ADGRV1: variants seen among roughly 807,000 people sequenced by gnomAD.
ADGRV1 encodes adhesion G protein-coupled receptor V1.
A neutral mutation model predicts 596.2 loss-of-function variants in ADGRV1; 359 were observed. The ratio of observed to expected loss-of-function variants is 0.60; its 90% confidence interval spans 0.55 to 0.66. The LOEUF is 0.66. Ranked by LOEUF, ADGRV1 falls within the 30% of genes least tolerant of loss-of-function variation. The pLI is 0.00. For missense variants in ADGRV1, 7,274 were observed against 7,575.6 expected (o/e 0.96, Z 1.48); for synonymous variants, 2,681 against 2,679.2 (o/e 1.00, Z -0.02).
chr5:90,835,425 CT>C (rs1169272620), intron 77 of ADGRV1, among the ~76,000 whole-genome samples: 1 of 152,148 alleles, frequency 6.6e-6, no homozygotes, highest in Admixed American at 6.5e-5. Flanking sequence ...GCTGAACTTC[CT>C]GGAGCTGCCA....
chr5:90,572,734 A>C (rs1292622559), intron 1 of ADGRV1, among the ~76,000 whole-genome samples: 2 of 152,104 alleles, frequency 1.3e-5, no homozygotes, highest in African/African-American at 4.8e-5. Context: ...TCAAAGGAAA[A>C]AAGTTGAGAC....
chr5:91,006,337 C>T (rs756736899), intron 85 of ADGRV1, among the ~76,000 whole-genome samples: 1 of 151,864 alleles, frequency 6.6e-6, no homozygotes, highest in South Asian at 2.1e-4. Flanking sequence ...ATTGCAAATC[C>T]AAAATTAGAT....
chr5:90,996,714 A>G (rs1300603585), intron 85 of ADGRV1, among the ~76,000 whole-genome samples: 3 of 152,210 alleles, frequency 2.0e-5, no homozygotes, highest in Admixed American at 6.5e-5. Flanking sequence ...AGCAGCAGGC[A>G]CTCAATGCCA....
chr5:91,080,588 CAAAAAA>C (rs10696264), intron 86 of ADGRV1, among the ~76,000 whole-genome samples: 8 of 84,488 alleles, frequency 9.5e-5, no homozygotes, highest in Admixed American at 4.0e-4. Context: ...GCACACCCTG[CAAAAAA>C]AAAAAAAAAA....
rs1580697003 is a variant in ADGRV1 at position 90,675,521 on chromosome 5, A to G, written c.5313+76A>G. ...TAATCCTTCTCTGGAAGGGATATAC[A>G]CTGTACCTGGAACATAGTGACTCAC... On this transcript the variant is annotated intron_variant, in intron 24 of 89. Coordinates refer to ENST00000405460, the MANE Select transcript of ADGRV1 (RefSeq NM_032119.4). 1.1e-5 allele frequency: 15 copies of G among 1,337,524 alleles called. No individual in the cohort carries two copies. In the Admixed American group the frequency reaches 1.2e-4, roughly 11 times the overall value. The allele number at this position is 1,337,524 out of a possible 1,614,324, so 82.9% of individuals were successfully genotyped here.
Position 90,647,595 on chromosome 5 carries a change from C to G in ADGRV1, c.3120C>G (p.Thr1040=), listed in dbSNP as rs1487960400. Residue 1040 remains threonine, a synonymous_variant, in exon 17 of 90, where the codon ACC becomes ACG. Coordinates refer to ENST00000405460, the MANE Select transcript of ADGRV1 (RefSeq NM_032119.4). ...TGACTTGCATGGTCCAGTATGCTACCAAGGATGGGAAGGCTACTGCAAGAG... is the reference window on the plus strand; with the variant it reads ...TGACTTGCATGGTCCAGTATGCTACGAAGGATGGGAAGGCTACTGCAAGAG... ...VDVTCMVQYA[T]KDGKATARER... The G allele has an allele frequency of 1.2e-6, 2 of 1,613,862 alleles. No individual in the cohort carries two copies. Among genetic ancestry groups the G allele is most frequent in the Non-Finnish European group, 1.7e-6 (2 of 1,179,846 alleles).
chr5:90,767,087 C>G (rs761174714), intron 59 of ADGRV1, among the ~76,000 whole-genome samples: 55 of 152,184 alleles, frequency 3.6e-4, no homozygotes, highest in Non-Finnish European at 5.9e-4. Context: ...ATAAAATATA[C>G]ATGGAAATAC....
intron 1 of ADGRV1, among the ~76,000 whole-genome samples, chr5:90,605,260 GA>G (rs1176365651): frequency 6.6e-6 from 1 of 151,768 alleles, no homozygotes; most frequent in Admixed American, 6.6e-5. Context: ...AATAAAAATA[GA>G]AAAATTAGCT....
chr5:90,893,256 C>G (rs1440751416), intron 83 of ADGRV1, among the ~76,000 whole-genome samples: 1 of 152,070 alleles, frequency 6.6e-6, no homozygotes, highest in Non-Finnish European at 1.5e-5. Context: ...ACCTTTTGGG[C>G]TTTTTATAAG....
intron 71 of ADGRV1, 34 bp downstream of exon 71, chr5:90,802,916 AC>A: frequency 6.4e-7 from 1 of 1,564,370 alleles, no homozygotes; most frequent in Non-Finnish European, 8.7e-7. Flanking sequence ...TCTCAGCAGA[AC>A]ACTAGAGGGC....
chr5:90,606,376 A>C (rs1762110634), intron 1 of ADGRV1, among the ~76,000 whole-genome samples: 1 of 152,156 alleles, frequency 6.6e-6, no homozygotes, highest in African/African-American at 2.4e-5. Flanking sequence ...CTTGAGGGTC[A>C]TTGTATACCA....
At chr5:90,726,273 A>G (rs913791492) in intron 48 of ADGRV1, among the ~76,000 whole-genome samples, 1 of 152,188 alleles carries the variant, frequency 6.6e-6, no homozygotes, top group Non-Finnish European at 1.5e-5. Context: ...ATAAGTGCCC[A>G]CCTTGTCCTT....
chr5:90,576,146 G>T (rs1008120877), intron 1 of ADGRV1, among the ~76,000 whole-genome samples: 1 of 151,924 alleles, frequency 6.6e-6, no homozygotes, highest in Non-Finnish European at 1.5e-5. Context: ...TAAGTTCTAG[G>T]GTACATGTGC....
At position 90,725,180 on chromosome 5, in the gene ADGRV1, A is replaced by C; in HGVS notation, c.10001A>C (p.Lys3334Thr). 1 of 1,551,346 alleles carries C rather than the reference A, an allele frequency of 6.4e-7. No homozygotes were observed. The highest frequency in any genetic ancestry group is 8.7e-7 in the Non-Finnish European group (1 of 1,144,348). Residue 3334 changes from lysine (K) to threonine (T), a missense_variant, in exon 47 of 90, where the codon AAG (lysine) becomes ACG (threonine). Physicochemically the swap from Lys to Thr is moderately conservative, Grantham distance 78 (BLOSUM62 -1). Transcript: ENST00000405460. The stretch of plus-strand genomic sequence containing the variant: ...ACTCATGAAGAAAGAAATGAAGAAA[A>C]GCCTTCTCTTAACAGTGTGTTTACA... Reference protein sequence around the residue: ...VITHEERNEEKPSLNSVFTFT... With the variant: ...VITHEERNEETPSLNSVFTFT...
At chr5:90,764,622 T>A (rs556998976) in intron 59 of ADGRV1, among the ~76,000 whole-genome samples, 2 of 152,166 alleles carry the variant, frequency 1.3e-5, no homozygotes, top group South Asian at 4.1e-4. Context: ...TGGGCTGTGC[T>A]CCCCCTCCCT....
chr5:90,969,205 A>G (rs1034444525), intron 84 of ADGRV1, among the ~76,000 whole-genome samples: 28 of 152,334 alleles, frequency 1.8e-4, no homozygotes, highest in Admixed American at 1.8e-3. Context: ...GACAAAATGA[A>G]TTAATGTATA....
chr5:91,016,129 T>G (rs1041835318), intron 85 of ADGRV1, among the ~76,000 whole-genome samples: 2 of 152,052 alleles, frequency 1.3e-5, no homozygotes, highest in Admixed American at 1.3e-4. Flanking sequence ...AAGCTTAATT[T>G]GGCTGGATGT....
chr5:90,585,144 G>A lies in ADGRV1; in HGVS notation c.22+26227G>A, dbSNP rs190259227. Among the ~76,000 whole-genome samples, 3 of 152,272 alleles carry A rather than the reference G, an allele frequency of 2.0e-5. No homozygotes were observed. In the East Asian group the frequency reaches 5.8e-4, roughly 29 times the overall value. ...TATATCAGATGTCAAAATGAGTTGT[G>A]AGAAATTATCCAAACACAAAATTTC... On this transcript the variant is annotated intron_variant, in intron 1 of 89. Coordinates refer to ENST00000405460, the MANE Select transcript of ADGRV1 (RefSeq NM_032119.4).
chr5:91,003,271 A>T lies in ADGRV1; in HGVS notation c.18152+17749A>T, dbSNP rs561038836. Among the ~76,000 whole-genome samples, 17 of 152,324 alleles carry T rather than the reference A, an allele frequency of 1.1e-4. No individual in the cohort carries two copies. The South Asian group carries it at 2.7e-3, about 24-fold the overall frequency. ...TGCGCCTTTTAATTGAGTGAATACCAGGTAAACCATTAGGTAACTTGTTTC... is the reference window on the plus strand; with the variant it reads ...TGCGCCTTTTAATTGAGTGAATACCTGGTAAACCATTAGGTAACTTGTTTC... On this transcript the variant is annotated intron_variant, in intron 85 of 89. Transcript: ENST00000405460.
Sources: allele counts gnomAD v4.1 joint callset (sites outside exome capture counted in the v4.1 genomes callset), GRCh38; gene constraint gnomAD v4.1.1; transcripts MANE v1.5; gene names NCBI Gene and HGNC (gene_info 2026-07-23, HGNC 2026-07-21).